TMEM117: variants seen among roughly 807,000 people sequenced by gnomAD.
The protein encoded by TMEM117 is transmembrane protein 117.
Under a neutral mutation model 52.4 loss-of-function variants are expected in TMEM117, and 27 were observed. The observed-to-expected ratio is 0.51, with a 90% CI of 0.38 to 0.71. TMEM117 has a LOEUF of 0.71. TMEM117 is among the 30% of genes least tolerant of loss of function. The pLI is 0.00. For missense variants in TMEM117, 556 were observed against 630.5 expected (o/e 0.88, Z 1.26); for synonymous variants, 215 against 206.3 (o/e 1.04, Z -0.36).
chr12:44,066,525 C>T (rs1947223516), intron 3 of TMEM117, among the ~76,000 whole-genome samples: 1 of 152,114 alleles, frequency 6.6e-6, no homozygotes, highest in African/African-American at 2.4e-5. Context: ...GCAAATATTT[C>T]AATAAAGCGA....
intron 2 of TMEM117, among the ~76,000 whole-genome samples, chr12:43,933,310 C>T (rs923825846): frequency 2.0e-5 from 3 of 151,500 alleles, no homozygotes; most frequent in Non-Finnish European, 4.4e-5. Context: ...ACGCCATTCT[C>T]CTGCCTCAGC....
chr12:43,819,163 T>C, the TMEM117 span, among the ~76,000 whole-genome samples: 1 of 152,232 alleles, frequency 6.6e-6, no homozygotes, highest in African/African-American at 2.4e-5. Flanking sequence ...TGTTTGATTG[T>C]AGACCTAAAA....
intron 3 of TMEM117, among the ~76,000 whole-genome samples, chr12:44,039,544 G>A (rs1280114835): frequency 6.6e-6 from 1 of 151,722 alleles, no homozygotes; most frequent in Non-Finnish European, 1.5e-5. Context: ...ATTTTGACTG[G>A]CAATCCATGT....
At chr12:44,195,172 G>C (rs1341466928) in intron 4 of TMEM117, among the ~76,000 whole-genome samples, 2 of 152,140 alleles carry the variant, frequency 1.3e-5, no homozygotes, top group Non-Finnish European at 2.9e-5. Context: ...GCTCTTTCCT[G>C]GAGGAGCCAG....
chr12:43,918,727 T>G (rs141566575), intron 2 of TMEM117, among the ~76,000 whole-genome samples: 1 of 152,354 alleles, frequency 6.6e-6, no homozygotes, highest in Non-Finnish European at 1.5e-5. Context: ...GGAATTATCC[T>G]GCATGCTACT....
chr12:44,278,758 T>C (rs1326425305), intron 5 of TMEM117, among the ~76,000 whole-genome samples: 1 of 152,228 alleles, frequency 6.6e-6, no homozygotes, highest in Non-Finnish European at 1.5e-5. Context: ...TAACCTTATT[T>C]TGCTTGGATA....
chr12:44,180,222 CCAT>C (rs571227123), intron 4 of TMEM117, among the ~76,000 whole-genome samples: 75 of 151,872 alleles, frequency 4.9e-4, no homozygotes, highest in South Asian at 1.9e-3. Flanking sequence ...ATCACCATCA[CCAT>C]CATCATCATC....
At chr12:44,189,067 A>T (rs1177145396) in intron 4 of TMEM117, among the ~76,000 whole-genome samples, 1 of 152,102 alleles carries the variant, frequency 6.6e-6, no homozygotes, top group Non-Finnish European at 1.5e-5. Flanking sequence ...TATGCTAGGA[A>T]TATTTGAATT....
At position 44,006,062 on chromosome 12, in the gene TMEM117, G is replaced by T. The variant is rs185205995; in HGVS notation, c.410+61720G>T. ...AGCATGAAAACGGACTAATACATAGGGTTGTAGCGGATCAGCTATAAAGAT... is the reference window on the plus strand; with the variant it reads ...AGCATGAAAACGGACTAATACATAGTGTTGTAGCGGATCAGCTATAAAGAT... On this transcript the variant is annotated intron_variant, in intron 3 of 7. Transcript: ENST00000266534. Among the ~76,000 whole-genome samples the T allele has an allele frequency of 2.7e-4, 41 of 152,244 alleles. 1 individual carries two copies. The highest frequency in any genetic ancestry group is 9.4e-4 in the African/African-American group (39 of 41,550).
intron 2 of TMEM117, among the ~76,000 whole-genome samples, chr12:43,912,861 G>T (rs545893228): frequency 1.3e-5 from 2 of 151,906 alleles, no homozygotes; most frequent in East Asian, 1.9e-4. Flanking sequence ...TCTTCCTGTT[G>T]TATCTGTCTG....
intron 5 of TMEM117, among the ~76,000 whole-genome samples, chr12:44,230,653 G>C (rs540270639): frequency 6.6e-6 from 1 of 151,994 alleles, no homozygotes; most frequent in Admixed American, 6.6e-5. Context: ...ATTTTATTTT[G>C]GTACTTCCCT....
intron 4 of TMEM117, among the ~76,000 whole-genome samples, chr12:44,154,335 C>G (rs893399965): frequency 1.5e-4 from 23 of 152,024 alleles, no homozygotes; most frequent in Admixed American, 2.0e-4. Context: ...TAGGACACCA[C>G]GTGGGCCGTG....
chr12:44,182,005 T>C (rs1949207583), intron 4 of TMEM117, among the ~76,000 whole-genome samples: 1 of 152,166 alleles, frequency 6.6e-6, no homozygotes, highest in South Asian at 2.1e-4. Flanking sequence ...GTTCTTCCAT[T>C]TGTTTGTATC....
chr12:44,236,962 G>A (rs1015977569), intron 5 of TMEM117, among the ~76,000 whole-genome samples: 2 of 151,964 alleles, frequency 1.3e-5, no homozygotes, highest in Non-Finnish European at 2.9e-5. Context: ...TACCCTTGTG[G>A]ATAATTCAGC....
At chr12:43,860,943 T>C (rs745648445) in intron 2 of TMEM117, among the ~76,000 whole-genome samples, 18 of 152,204 alleles carry the variant, frequency 1.2e-4, no homozygotes, top group Non-Finnish European at 1.9e-4. Context: ...ATTTTTATTC[T>C]GGCAGTTCCT....
intron 6 of TMEM117, among the ~76,000 whole-genome samples, chr12:44,374,650 G>GTGTGTGTA (rs1951915585): frequency 6.9e-6 from 1 of 144,214 alleles, no homozygotes; most frequent in Non-Finnish European, 1.6e-5. Flanking sequence ...GTGTGTGTGT[G>GTGTGTGTA]TGTGTATGTG....
At chr12:43,819,253 GA>G in the TMEM117 span, among the ~76,000 whole-genome samples, 1 of 151,952 alleles carries the variant, frequency 6.6e-6, no homozygotes, top group Non-Finnish European at 1.5e-5. Flanking sequence ...TTTGGTAAAG[GA>G]AAAAAAGAGT....
intron 6 of TMEM117, among the ~76,000 whole-genome samples, chr12:44,328,607 A>C (rs717488): frequency 6.6e-6 from 1 of 152,068 alleles, no homozygotes; most frequent in Non-Finnish European, 1.5e-5. Context: ...ACTTATAACT[A>C]AAAGATATCT....
At chr12:44,393,184 T>C (rs1365169115), downstream of TMEM117, among the ~76,000 whole-genome samples, 2 of 152,188 alleles carry the variant, frequency 1.3e-5, no homozygotes, top group East Asian at 3.9e-4. Flanking sequence ...CACAGGTTTA[T>C]ATATCTACCT....
Sources: allele counts gnomAD v4.1 joint callset (sites outside exome capture counted in the v4.1 genomes callset), GRCh38; gene constraint gnomAD v4.1.1; transcripts MANE v1.5; gene names NCBI Gene and HGNC (gene_info 2026-07-23, HGNC 2026-07-21).